PPP1CC: variants seen among roughly 807,000 people sequenced by gnomAD.
PPP1CC encodes the protein serine/threonine-protein phosphatase PP1-gamma catalytic subunit.
In PPP1CC, 16 loss-of-function variants were observed where a neutral mutation model predicts 38.4. The ratio of observed to expected loss-of-function variants is 0.42; its 90% CI spans 0.28 to 0.63. The LOEUF (loss-of-function observed/expected upper bound fraction) is 0.63, where lower values mean the gene tolerates loss of function less well. Ranked by LOEUF, PPP1CC falls within the 30% of genes least tolerant of loss-of-function variation. PPP1CC has a pLI of 0.25. For synonymous variants in PPP1CC, 158 were observed against 136.0 expected (o/e 1.16, Z -1.13); for missense variants, 170 against 391.3 (o/e 0.43, Z 4.77).
chr12:110,718,938 A>T (rs560038899), downstream of PPP1CC, among the ~76,000 whole-genome samples: 1 of 152,048 alleles, frequency 6.6e-6, no homozygotes, highest in Admixed American at 6.6e-5. Context: ...CAGATACCAC[A>T]CTCCAATAAT....
chr12:110,738,635 C>G (rs1020057207), intron 1 of PPP1CC, among the ~76,000 whole-genome samples: 21 of 152,210 alleles, frequency 1.4e-4, no homozygotes, highest in African/African-American at 5.1e-4. Context: ...TGGGCTACAA[C>G]TGCATGTCCA....
intron 3 of PPP1CC, among the ~76,000 whole-genome samples, chr12:110,726,832 G>C (rs2069805078): frequency 6.6e-6 from 1 of 152,118 alleles, no homozygotes; most frequent in African/African-American, 2.4e-5. Flanking sequence ...AACACTTCTA[G>C]TGCCAAGCAT....
Position 110,720,424 on chromosome 12 carries a change from A to C in PPP1CC, c.*652T>G, listed in dbSNP as rs2069725039. 8.4e-6 allele frequency: 4 copies of C among 476,436 alleles called. No homozygotes were observed. The highest frequency in any genetic ancestry group is 2.0e-5 in the African/African-American group (1 of 50,200). The allele number at this position is 476,436 out of a possible 1,614,324, so 29.5% of individuals were successfully genotyped here. ...TTCAACAGAAACTTTGGCTTTAGGA[A>C]AGAGTCACAAATATTTAAAAGAATG... On this transcript the variant is annotated 3_prime_UTR_variant, in exon 7 of 7. Transcript: ENST00000335007.
intron 2 of PPP1CC, among the ~76,000 whole-genome samples, 183 bp from the exon 3 acceptor site, chr12:110,730,942 G>C (rs954192875): frequency 6.6e-6 from 1 of 152,148 alleles, no homozygotes; most frequent in Non-Finnish European, 1.5e-5. Context: ...GTTCAACTGA[G>C]CTTAACAAAA....
downstream of PPP1CC, among the ~76,000 whole-genome samples, chr12:110,717,820 TG>T (rs1214299087): frequency 2.0e-5 from 3 of 152,192 alleles, no homozygotes; most frequent in Non-Finnish European, 4.4e-5. Flanking sequence ...AGGTGATACT[TG>T]GATTACATGG....
rs759238783 is a variant in PPP1CC, at chr12:110,742,667, T to A, written c.41A>T (p.Gln14Leu). 1.4e-6 allele frequency: 2 copies of A among 1,474,620 alleles called. No individual in the cohort carries two copies. 91.3% of individuals were successfully genotyped at this position (1,474,620 alleles called of 1,614,324 possible). A position where few individuals can be genotyped will look rare whatever the true frequency, so the allele number is the denominator to read the frequency against. The part of the protein sequence containing the change: ...LDKLNIDSII[Q>L]RLLEVRGSKP... ...GCCCCCCTTACCTTCCAGCAGCCGTTGGATAATGCTGTCGATGTTGAGTTT... is the reference window on the plus strand; with the variant it reads ...GCCCCCCTTACCTTCCAGCAGCCGTAGGATAATGCTGTCGATGTTGAGTTT... Residue 14 changes from glutamine (Q) to leucine (L), a missense_variant, in exon 1 of 7, where the codon CAA becomes CTA. Gln to Leu is a moderately radical substitution (Grantham distance 113, BLOSUM62 -2). Around this residue, in one of 3 missense-constraint regions of PPP1CC, gnomAD observed 30 missense variants for 23.0 expected, o/e 1.30. Transcript: ENST00000335007.
At position 110,720,818 on chromosome 12, in the gene PPP1CC, C is replaced by T. The variant is rs1040558453; in HGVS notation, c.*258G>A. 5 of 353,902 alleles carry T rather than the reference C, an allele frequency of 1.4e-5. No homozygotes were observed. In the South Asian group the frequency reaches 1.7e-4, roughly 12 times the overall value. The allele number at this position is 353,902 out of a possible 1,614,324, so 21.9% of individuals were successfully genotyped here. A position where few individuals can be genotyped will look rare whatever the true frequency, so the allele number is the denominator to read the frequency against. Reference sequence around the variant, plus strand: ...ACAGGATAAACTGTCCTGGGGTGTACAGCTTTAACACCATCATTAAAATTG... The same window carrying T: ...ACAGGATAAACTGTCCTGGGGTGTATAGCTTTAACACCATCATTAAAATTG... On this transcript the variant is annotated 3_prime_UTR_variant, in exon 7 of 7. Coordinates refer to ENST00000335007, the MANE Select transcript of PPP1CC (RefSeq NM_002710.4).
rs1472689683 is a variant in PPP1CC at position 110,720,387 on chromosome 12, G to C, written c.*689C>G. The C allele has an allele frequency of 2.0e-5, 10 of 492,294 alleles. No homozygotes were observed. The highest frequency in any genetic ancestry group is 3.6e-5 in the Non-Finnish European group (10 of 279,804). The allele number at this position is 492,294 out of a possible 1,614,324, so 30.5% of individuals were successfully genotyped here. A position where few individuals can be genotyped will look rare whatever the true frequency, so the allele number is the denominator to read the frequency against. On this transcript the variant is annotated 3_prime_UTR_variant, in exon 7 of 7. Transcript: ENST00000335007. The stretch of plus-strand genomic sequence containing the variant: ...CATACCACCTTGTACTTAGGGGTGT[G>C]TCAAAACATAATTCAACAGAAACTT...
chr12:110,716,706 T>C (rs960574492), downstream of PPP1CC, among the ~76,000 whole-genome samples: 7 of 152,250 alleles, frequency 4.6e-5, 1 homozygote, highest in African/African-American at 1.7e-4. Flanking sequence ...TGAAGTGCTT[T>C]AATCCTCTAA....
rs550967345 is a variant in PPP1CC at position 110,737,205 on chromosome 12, C to T, written c.56-5304G>A. ...TATCAAGAATCCTTTGGGCCGGATG[C>T]GGTGTCTAACGCCTGTAATCCCAGC... On this transcript the variant is annotated intron_variant, in intron 1 of 6. Coordinates refer to ENST00000335007, the MANE Select transcript of PPP1CC (RefSeq NM_002710.4). 2.6e-5 allele frequency among the ~76,000 whole-genome samples: 4 copies of T among 152,198 alleles called. No homozygotes were observed. In the South Asian group the frequency reaches 6.2e-4, roughly 24 times the overall value.
In PPP1CC at chr12:110,720,896, AAG is replaced by A. The variant is rs1224373359; in HGVS notation, c.*178_*179del. 2 of 512,492 alleles carry A rather than the reference AAG, an allele frequency of 3.9e-6. No homozygotes were observed. Among genetic ancestry groups the A allele is most frequent in the Non-Finnish European group, 7.0e-6 (2 of 286,812 alleles). 31.7% of individuals were successfully genotyped at this position (512,492 alleles called of 1,614,324 possible). A position where few individuals can be genotyped will look rare whatever the true frequency, so the allele number is the denominator to read the frequency against. Reference sequence around the variant, plus strand: ...ACAAAACACTTTTCTTTTTGGAGTGAAGAGTCTTTCATTTGCTGTTATAACCA... The same window carrying A: ...ACAAAACACTTTTCTTTTTGGAGTGAAGTCTTTCATTTGCTGTTATAACCA... On this transcript the variant is annotated 3_prime_UTR_variant, in exon 7 of 7. Coordinates refer to ENST00000335007, the MANE Select transcript of PPP1CC (RefSeq NM_002710.4).
chr12:110,727,447 C>T (rs576832593), intron 3 of PPP1CC, among the ~76,000 whole-genome samples: 1 of 152,080 alleles, frequency 6.6e-6, no homozygotes, highest in Admixed American at 6.5e-5. Context: ...AAGGTTTAGC[C>T]AGGGTAATCG....
At chr12:110,710,094 A>G in the PPP1CC span, among the ~76,000 whole-genome samples, 1 of 151,924 alleles carries the variant, frequency 6.6e-6, no homozygotes, top group Admixed American at 6.6e-5. Flanking sequence ...TAGAAGATAG[A>G]GCTGAGGACA....
intron 1 of PPP1CC, 165 bp from the exon 2 acceptor site, chr12:110,732,066 T>C: frequency 2.7e-6 from 2 of 730,712 alleles, no homozygotes; most frequent in Non-Finnish European, 4.3e-6. Context: ...AATCTTAAAA[T>C]CTTAGACAAG....
At chr12:110,732,395 CAA>C (rs35138959) in intron 1 of PPP1CC, 8 of 139,590 alleles carry the variant, frequency 5.7e-5, no homozygotes, top group Admixed American at 7.6e-5. Context: ...GACTCCGTCT[CAA>C]AAAAAAAAAA....
At chr12:110,742,632 G>A in intron 1 of PPP1CC, 21 bp downstream of exon 1, 4 of 1,381,428 alleles carry the variant, frequency 2.9e-6, no homozygotes, top group South Asian at 3.4e-5. Flanking sequence ...TCCCCCTTCA[G>A]CCGCCCGCCG....
In PPP1CC at chr12:110,722,041, A is replaced by ATT; in HGVS notation, c.882+93_882+94insAA. 1.2e-5 allele frequency: 18 copies of ATT among 1,511,092 alleles called. No individual in the cohort carries two copies. The highest frequency in any genetic ancestry group is 1.6e-5 in the Non-Finnish European group (18 of 1,102,212). 93.6% of individuals were successfully genotyped at this position (1,511,092 alleles called of 1,614,324 possible). ...AAAATAAAAACTTAGCCTACTCAGC[A>ATT]TAAGTGAACACTAGGCAAAAAGTAG... On this transcript the variant is annotated intron_variant, in intron 6 of 6. Coordinates refer to ENST00000335007, the MANE Select transcript of PPP1CC (RefSeq NM_002710.4). The surrounding 1 kb of genome is among the most constrained non-coding windows in gnomAD (Gnocchi z 5.4).
intron 3 of PPP1CC, 150 bp from the exon 4 acceptor site, chr12:110,724,914 T>A (rs1027809867): frequency 2.2e-6 from 1 of 460,952 alleles, no homozygotes; most frequent in Non-Finnish European, 4.0e-6. Flanking sequence ...AATAAAACCA[T>A]CTTATTTTAA....
chr12:110,739,106 G>A (rs573616213), intron 1 of PPP1CC, among the ~76,000 whole-genome samples: 1 of 152,188 alleles, frequency 6.6e-6, no homozygotes, highest in East Asian at 1.9e-4. Flanking sequence ...GACCACTTGA[G>A]GTCACGAGTT....
Sources: gnomAD v4.1 joint callset for allele counts (sites outside exome capture counted in the v4.1 genomes callset) on GRCh38, gnomAD v4.1.1 for gene constraint, gnomAD v4.1.1 regional missense constraint, Gnocchi (gnomAD v3.1) non-coding constraint, MANE v1.5 for transcripts, NCBI Gene and HGNC (gene_info 2026-07-23, HGNC 2026-07-21) for gene names.